The following EXOC4 variants were observed in gnomAD, a reference collection of about 807,000 sequenced individuals.
EXOC4 encodes SEC8-like 1.
In EXOC4, 71 loss-of-function variants were observed where a neutral mutation model predicts 107.2. The ratio of observed to expected loss-of-function variants is 0.66; its 90% CI spans 0.55 to 0.81. The LOEUF is 0.81. Among genes scored for constraint, EXOC4 ranks in the 30% least tolerant of loss-of-function variants. The probability of loss-of-function intolerance (pLI) is 0.00; values close to 1 mark genes in which losing one functional copy is unlikely to be tolerated. For synonymous variants in EXOC4, 456 were observed against 441.2 expected (o/e 1.03, Z -0.42); for missense variants, 1,108 against 1,189.6 (o/e 0.93, Z 1.01).
At chr7:133,563,007 G>C (rs1312494477) in intron 9 of EXOC4, among the ~76,000 whole-genome samples, 1 of 152,090 alleles carries the variant, frequency 6.6e-6, no homozygotes, top group Non-Finnish European at 1.5e-5. Flanking sequence ...AATCATTTTG[G>C]GCATTTCAGT....
intron 9 of EXOC4, among the ~76,000 whole-genome samples, chr7:133,533,592 G>T (rs1225260607): frequency 6.6e-6 from 1 of 152,118 alleles, no homozygotes; most frequent in South Asian, 2.1e-4. Context: ...TCTATACCTA[G>T]CTCTAGGGGT....
the EXOC4 span, among the ~76,000 whole-genome samples, chr7:134,086,792 C>G: frequency 6.6e-6 from 1 of 152,166 alleles, no homozygotes; most frequent in Admixed American, 6.5e-5. Flanking sequence ...GACAGAGCAG[C>G]CACAGGGGCT....
At chr7:133,419,216 T>G (rs1797547354) in intron 7 of EXOC4, among the ~76,000 whole-genome samples, 1 of 152,074 alleles carries the variant, frequency 6.6e-6, no homozygotes, top group Admixed American at 6.5e-5. Flanking sequence ...TAATGAGGAT[T>G]TTGGGTGGTT....
chr7:133,391,977 A>G (rs1796862293), intron 7 of EXOC4, among the ~76,000 whole-genome samples: 1 of 152,258 alleles, frequency 6.6e-6, no homozygotes, highest in East Asian at 1.9e-4. Flanking sequence ...TAACAAATAA[A>G]GGAATTACTT....
At chr7:133,989,611 C>T (rs553084260) in intron 14 of EXOC4, among the ~76,000 whole-genome samples, 76 of 152,224 alleles carry the variant, frequency 5.0e-4, no homozygotes, top group Non-Finnish European at 9.3e-4. Flanking sequence ...CCAGTGAATT[C>T]AGAGATAGCA....
chr7:134,089,073 AG>A, the EXOC4 span, among the ~76,000 whole-genome samples: 11 of 152,194 alleles, frequency 7.2e-5, no homozygotes, highest in African/African-American at 2.7e-4. Flanking sequence ...GCAGATTATA[AG>A]CAGGTTTTTG....
At chr7:134,003,029 A>G (rs1483627546) in intron 15 of EXOC4, among the ~76,000 whole-genome samples, 1 of 152,198 alleles carries the variant, frequency 6.6e-6, no homozygotes, top group Non-Finnish European at 1.5e-5. Context: ...TGTGTACATG[A>G]AGTAGCTTTA....
intron 10 of EXOC4, among the ~76,000 whole-genome samples, chr7:133,812,929 C>A (rs926312595): frequency 9.9e-5 from 15 of 152,046 alleles, no homozygotes; most frequent in Admixed American, 8.5e-4. Context: ...ATCCATTTTT[C>A]ACTGAGGTAA....
chr7:133,717,226 T>A (rs1271376185), intron 10 of EXOC4, among the ~76,000 whole-genome samples: 1 of 152,240 alleles, frequency 6.6e-6, no homozygotes, highest in Non-Finnish European at 1.5e-5. Context: ...TTGTGTGTAA[T>A]TCAAGGTTAA....
chr7:133,565,636 C>T (rs1032525604), intron 9 of EXOC4, among the ~76,000 whole-genome samples: 3 of 152,150 alleles, frequency 2.0e-5, no homozygotes, highest in Non-Finnish European at 2.9e-5. Context: ...ATGTCCCATG[C>T]AATATTTGGA....
chr7:133,860,221 G>A (rs1376387291), intron 11 of EXOC4, among the ~76,000 whole-genome samples: 1 of 152,156 alleles, frequency 6.6e-6, no homozygotes. Flanking sequence ...GCTGTTAACT[G>A]TGTGAATCTG....
At chr7:133,857,124 ATGTATATATATATACACATACACG>A in intron 11 of EXOC4, among the ~76,000 whole-genome samples, 1 of 87,530 alleles carries the variant, frequency 1.1e-5, no homozygotes, top group African/African-American at 5.0e-5. Flanking sequence ...GTATATATAT[ATGTATATATATATACACATACACG>A]TATATATATA....
chr7:133,836,448 T>G (rs1207408868), intron 11 of EXOC4, among the ~76,000 whole-genome samples: 3 of 152,176 alleles, frequency 2.0e-5, no homozygotes, highest in Admixed American at 2.0e-4. Flanking sequence ...ACCTTTCATG[T>G]GCTGGATGGT....
chr7:133,802,490 T>A (rs1796968563), intron 10 of EXOC4, among the ~76,000 whole-genome samples: 1 of 152,222 alleles, frequency 6.6e-6, no homozygotes, highest in Non-Finnish European at 1.5e-5. Flanking sequence ...TGTTTCAGGT[T>A]GTTGCTGGAA....
intron 11 of EXOC4, among the ~76,000 whole-genome samples, chr7:133,877,291 T>C (rs1798869957): frequency 6.6e-6 from 1 of 152,200 alleles, no homozygotes; most frequent in Non-Finnish European, 1.5e-5. Flanking sequence ...CTTCTCCTCA[T>C]ATATTTTCCA....
intron 14 of EXOC4, among the ~76,000 whole-genome samples, chr7:133,959,508 T>A (rs2953632): frequency 0.7 from 105,341 of 150,866 alleles, 37,137 homozygotes; most frequent in East Asian, 0.91. Flanking sequence ...TAACTGAATT[T>A]TAGGTCTACA....
chr7:133,811,679 A>G (rs1217817297), intron 10 of EXOC4, among the ~76,000 whole-genome samples: 1 of 152,232 alleles, frequency 6.6e-6, no homozygotes, highest in Non-Finnish European at 1.5e-5. Flanking sequence ...GTGAACAGCC[A>G]TATTGCACAA....
intron 17 of EXOC4, among the ~76,000 whole-genome samples, chr7:134,025,592 ATCTG>A (rs1304601894): frequency 6.6e-6 from 1 of 152,184 alleles, no homozygotes; most frequent in Non-Finnish European, 1.5e-5. Context: ...GGCTTGCCTC[ATCTG>A]TCTGGTGATT....
intron 17 of EXOC4, among the ~76,000 whole-genome samples, chr7:134,024,570 A>G (rs1795096207): frequency 6.6e-6 from 1 of 152,162 alleles, no homozygotes; most frequent in African/African-American, 2.4e-5. Context: ...TAAAAGAAAA[A>G]GTAGTGATAT....
Sources: gnomAD v4.1 joint callset for allele counts (sites outside exome capture counted in the v4.1 genomes callset) on GRCh38, gnomAD v4.1.1 for gene constraint, MANE v1.5 for transcripts, NCBI Gene and HGNC (gene_info 2026-07-23, HGNC 2026-07-21) for gene names.